Variants in RAP1GDS1 observed in about 807,000 individuals in gnomAD.
The protein encoded by RAP1GDS1 is Rap1 GTPase-GDP dissociation stimulator 1, also known as RAP1, GTP-GDP dissociation stimulator 1.
Under a neutral mutation model 71.1 loss-of-function variants are expected in RAP1GDS1, and 35 were observed. The ratio of observed to expected loss-of-function variants is 0.49; its 90% CI spans 0.38 to 0.65. The LOEUF is 0.65. Ranked by LOEUF, RAP1GDS1 falls within the 30% of genes least tolerant of loss-of-function variation. The pLI is 0.00. For missense variants in RAP1GDS1, 663 were observed against 706.1 expected (o/e 0.94, Z 0.69); for synonymous variants, 229 against 243.1 (o/e 0.94, Z 0.54).
intron 3 of RAP1GDS1, among the ~76,000 whole-genome samples, chr4:98,348,842 AGTTCTTT>A (rs888747151): frequency 6.6e-6 from 1 of 151,798 alleles, no homozygotes; most frequent in Non-Finnish European, 1.5e-5. Context: ...AATTTGTTTG[AGTTCTTT>A]GTGGATTCTG....
At chr4:98,413,824 A>C (rs1202768715) in intron 7 of RAP1GDS1, among the ~76,000 whole-genome samples, 1 of 152,064 alleles carries the variant, frequency 6.6e-6, no homozygotes, top group Non-Finnish European at 1.5e-5. Context: ...GAACTAGTTT[A>C]CAGTCCCACC....
At chr4:98,293,881 G>C (rs1354840810) in intron 2 of RAP1GDS1, among the ~76,000 whole-genome samples, 2 of 152,060 alleles carry the variant, frequency 1.3e-5, no homozygotes, top group Non-Finnish European at 2.9e-5. Context: ...GGAGAGTGGG[G>C]AGGGAGAGAG....
intron 3 of RAP1GDS1, among the ~76,000 whole-genome samples, chr4:98,347,326 C>T (rs1736436014): frequency 1.3e-5 from 2 of 151,872 alleles, no homozygotes; most frequent in East Asian, 1.9e-4. Flanking sequence ...GAAAGTAAAG[C>T]GTTAACACTC....
At chr4:98,404,239 G>A (rs890511252) in intron 6 of RAP1GDS1, among the ~76,000 whole-genome samples, 13 of 152,064 alleles carry the variant, frequency 8.5e-5, no homozygotes, top group Admixed American at 2.6e-4. Flanking sequence ...TAATTTTGTT[G>A]TTGCTGTGGT....
chr4:98,293,662 A>T, intron 2 of RAP1GDS1, 147 bp downstream of exon 2: 1 of 660,126 alleles, frequency 1.5e-6, no homozygotes, highest in Non-Finnish European at 2.6e-6. Flanking sequence ...AGATTGTTTT[A>T]CATGTTCTAC....
chr4:98,290,911 A>G (rs1560781407), intron 1 of RAP1GDS1, among the ~76,000 whole-genome samples: 1 of 152,132 alleles, frequency 6.6e-6, no homozygotes, highest in Non-Finnish European at 1.5e-5. Flanking sequence ...CAGGAAGAGA[A>G]GAGGCTCTGT....
At chr4:98,340,930 A>G (rs1452684669) in intron 2 of RAP1GDS1, among the ~76,000 whole-genome samples, 1 of 152,054 alleles carries the variant, frequency 6.6e-6, no homozygotes, top group Non-Finnish European at 1.5e-5. Flanking sequence ...TACTATGCTT[A>G]TTACCTAAGT....
Position 98,424,031 on chromosome 4 carries a change from G to A in RAP1GDS1, c.1440+2637G>A, listed in dbSNP as rs60998950. 3.8e-3 allele frequency among the ~76,000 whole-genome samples: 584 copies of A among 152,260 alleles called. 6 individuals carry two copies. Among genetic ancestry groups the A allele is most frequent in the African/African-American group, 0.013 (559 of 41,536 alleles). On this transcript the variant is annotated intron_variant, in intron 12 of 14. Coordinates refer to ENST00000408927, the MANE Select transcript of RAP1GDS1 (RefSeq NM_001100427.2). ...GGGTTATTCAACTAGAAGCAGCGAGGATGGAAAAGAAGAGACAGACCTGAG... is the reference window on the plus strand; with the variant it reads ...GGGTTATTCAACTAGAAGCAGCGAGAATGGAAAAGAAGAGACAGACCTGAG...
intron 12 of RAP1GDS1, among the ~76,000 whole-genome samples, chr4:98,424,462 C>T (rs1749324248): frequency 6.6e-6 from 1 of 152,096 alleles, no homozygotes; most frequent in African/African-American, 2.4e-5. Context: ...GAAGAGAAAT[C>T]TAAAAGTTTA....
rs1450757154 is a variant in RAP1GDS1 at position 98,392,145 on chromosome 4, G to A, written c.637+65G>A. On this transcript the variant is annotated intron_variant, in intron 6 of 14. Transcript: ENST00000408927. ...TAATGTGCTTACAATAAATTTTTCT[G>A]TAGATATTAAGAAGCTAGAAATCCA... is the stretch of plus-strand genomic sequence containing the variant. 6 of 1,416,310 alleles carry A rather than the reference G, an allele frequency of 4.2e-6. No individual in the cohort carries two copies. In the African/African-American group the frequency reaches 8.7e-5, roughly 21 times the overall value. The allele number at this position is 1,416,310 out of a possible 1,614,324, so 87.7% of individuals were successfully genotyped here.
intron 4 of RAP1GDS1, among the ~76,000 whole-genome samples, chr4:98,368,130 A>C (rs543277767): frequency 6.6e-6 from 1 of 152,118 alleles, no homozygotes; most frequent in Non-Finnish European, 1.5e-5. Context: ...TGCTGTTCTC[A>C]TGATAGTAAG....
intron 6 of RAP1GDS1, among the ~76,000 whole-genome samples, chr4:98,403,146 A>G (rs1003739161): frequency 2.0e-5 from 3 of 152,170 alleles, no homozygotes; most frequent in Non-Finnish European, 4.4e-5. Context: ...GAAAGAGAAA[A>G]GGCATAGATA....
intron 2 of RAP1GDS1, among the ~76,000 whole-genome samples, chr4:98,306,020 G>A (rs544312655): frequency 6.6e-6 from 1 of 152,164 alleles, no homozygotes; most frequent in Non-Finnish European, 1.5e-5. Context: ...TATACTTGGG[G>A]AAAAAGAGAT....
intron 4 of RAP1GDS1, among the ~76,000 whole-genome samples, chr4:98,371,710 G>T (rs2110468185): frequency 6.6e-6 from 1 of 151,984 alleles, no homozygotes; most frequent in South Asian, 2.1e-4. Flanking sequence ...CTCCCGCCTT[G>T]GCTTCCCAAA....
At chr4:98,396,346 A>G (rs1744547204) in intron 6 of RAP1GDS1, 1 of 152,176 alleles carries the variant, frequency 6.6e-6, no homozygotes. Flanking sequence ...GGTAGGAGAG[A>G]AAAGAGGTAA....
chr4:98,264,027 A>G (rs1722382931), intron 1 of RAP1GDS1, among the ~76,000 whole-genome samples: 1 of 152,208 alleles, frequency 6.6e-6, no homozygotes, highest in Non-Finnish European at 1.5e-5. Context: ...CAATTCATGT[A>G]CACATAAGAA....
chr4:98,419,271 C>T (rs1029028502), intron 10 of RAP1GDS1, among the ~76,000 whole-genome samples: 3 of 151,730 alleles, frequency 2.0e-5, no homozygotes, highest in Admixed American at 2.0e-4. Context: ...CTAGGCTGGT[C>T]TTGAACTCCT....
chr4:98,417,240 C>G (rs1457302941), intron 8 of RAP1GDS1, 127 bp from the exon 9 acceptor site: 2 of 963,252 alleles, frequency 2.1e-6, no homozygotes, highest in Non-Finnish European at 3.1e-6. Context: ...AGAATCATTA[C>G]TTTTCCCATT....
intron 11 of RAP1GDS1, among the ~76,000 whole-genome samples, chr4:98,420,390 G>A (rs1374978672): frequency 6.6e-6 from 1 of 151,192 alleles, no homozygotes; most frequent in Non-Finnish European, 1.5e-5. Context: ...TTTTGAGACA[G>A]AGTCTTGTTC....
Sources: gnomAD v4.1 joint callset for allele counts (sites outside exome capture counted in the v4.1 genomes callset) on GRCh38, gnomAD v4.1.1 for gene constraint, MANE v1.5 for transcripts, NCBI Gene and HGNC (gene_info 2026-07-23, HGNC 2026-07-21) for gene names.